The following TRPM3 variants were observed in gnomAD, a reference collection of about 807,000 sequenced individuals.
TRPM3 encodes long transient receptor potential channel 3.
Under a neutral mutation model 181.2 loss-of-function variants are expected in TRPM3, and 77 were observed. The ratio of observed to expected loss-of-function variants is 0.42; its 90% CI spans 0.35 to 0.51. TRPM3 has a LOEUF of 0.51. Ranked by LOEUF, TRPM3 falls within the 20% of genes least tolerant of loss-of-function variation. TRPM3 has a pLI of 0.01. For missense variants in TRPM3, 1,759 were observed against 2,196.7 expected (o/e 0.80, Z 3.98); for synonymous variants, 745 against 796.4 (o/e 0.94, Z 1.09).
chr9:70,980,067 G>GCGCACACACACACACA (rs142852346), intron 1 of TRPM3, among the ~76,000 whole-genome samples: 1 of 137,888 alleles, frequency 7.3e-6, no homozygotes, highest in Non-Finnish European at 1.5e-5. Flanking sequence ...GCATGTGCGT[G>GCGCACACACACACACA]CACACACACA....
At chr9:71,172,783 T>G (rs2076931769) in intron 1 of TRPM3, among the ~76,000 whole-genome samples, 1 of 152,106 alleles carries the variant, frequency 6.6e-6, no homozygotes, top group South Asian at 2.1e-4. Flanking sequence ...AACAGGTTCT[T>G]CCCATGGAAC....
At chr9:71,100,172 C>T (rs1048167860) in intron 1 of TRPM3, among the ~76,000 whole-genome samples, 1 of 151,976 alleles carries the variant, frequency 6.6e-6, no homozygotes, top group South Asian at 2.1e-4. Flanking sequence ...ATTTTAACTC[C>T]ATTGATTAAC....
intron 1 of TRPM3, among the ~76,000 whole-genome samples, chr9:71,222,764 G>A (rs760534164): frequency 6.6e-6 from 1 of 152,172 alleles, no homozygotes; most frequent in Non-Finnish European, 1.5e-5. Context: ...GGAAGGCAGA[G>A]CACAGTGATT....
intron 1 of TRPM3, among the ~76,000 whole-genome samples, chr9:70,955,236 A>C (rs2097055212): frequency 6.6e-6 from 1 of 152,206 alleles, no homozygotes; most frequent in Non-Finnish European, 1.5e-5. Flanking sequence ...CTCTGCCAAT[A>C]GCAGACAAAA....
intron 1 of TRPM3, among the ~76,000 whole-genome samples, chr9:71,229,289 T>C (rs1294413873): frequency 6.6e-6 from 1 of 152,194 alleles, no homozygotes. Context: ...ACTAGGCCCC[T>C]ATCTCTCACC....
intron 22 of TRPM3, among the ~76,000 whole-genome samples, chr9:70,587,945 T>C (rs1207456336): frequency 6.6e-6 from 1 of 152,238 alleles, no homozygotes; most frequent in Non-Finnish European, 1.5e-5. Context: ...GGACAGTCAC[T>C]GTCCCTTCCC....
intron 7 of TRPM3, among the ~76,000 whole-genome samples, chr9:70,765,871 C>T (rs1321313895): frequency 6.6e-6 from 1 of 151,992 alleles, no homozygotes; most frequent in Non-Finnish European, 1.5e-5. Context: ...TAGAGATGAG[C>T]CTATTTTAGA....
rs555501972 is a variant in TRPM3 at position 70,848,813 on chromosome 9, T to TAAAA, written c.463-2226_463-2223dup. Among the ~76,000 whole-genome samples, 530 of 76,748 alleles carry TAAAA rather than the reference T, an allele frequency of 6.9e-3. 27 individuals are homozygous for TAAAA. Among genetic ancestry groups the TAAAA allele is most frequent in the South Asian group, 0.02 (39 of 1,938 alleles). 50.3% of individuals were successfully genotyped at this position (76,748 alleles called of 152,430 possible). On this transcript the variant is annotated intron_variant, in intron 3 of 25. Transcript: ENST00000677713. ...TAACACGGTGAAACCCCGTCTCTAC[T>TAAAA]AAAAATACAAAAAATTAGCCGGGCG...
At chr9:70,955,970 C>G (rs960426904) in intron 1 of TRPM3, among the ~76,000 whole-genome samples, 7 of 152,158 alleles carry the variant, frequency 4.6e-5, no homozygotes, top group Non-Finnish European at 1.0e-4. Flanking sequence ...TCTCTGACAA[C>G]CTTTCAGTGG....
intron 1 of TRPM3, among the ~76,000 whole-genome samples, chr9:71,293,238 C>T (rs1025686212): frequency 1.3e-5 from 2 of 151,496 alleles, no homozygotes; most frequent in Non-Finnish European, 3.0e-5. Context: ...AAATGACACA[C>T]AGAAAATGCC....
rs150549631 is a variant in TRPM3, at chr9:70,907,133, A to G, written c.178-42622T>C. Among the ~76,000 whole-genome samples the G allele has an allele frequency of 1.6e-3, 247 of 152,330 alleles. 4 individuals are homozygous for G. The highest frequency in any genetic ancestry group is 9.1e-3 in the South Asian group (44 of 4,828). The stretch of plus-strand genomic sequence containing the variant: ...TTTATGTATGTTATCCACTGATTCT[A>G]TATGTTTAAATATGTCTACTTGCTA... On this transcript the variant is annotated intron_variant, in intron 1 of 25. Transcript: ENST00000677713.
chr9:71,446,912 C>G (rs2094211245), upstream of TRPM3: 2 of 1,370,716 alleles, frequency 1.5e-6, no homozygotes, highest in Non-Finnish European at 1.9e-6. Context: ...GGGTCTCCCT[C>G]CAGCCTGCGC....
At chr9:70,990,419 G>A (rs1027140464) in intron 1 of TRPM3, among the ~76,000 whole-genome samples, 9 of 152,056 alleles carry the variant, frequency 5.9e-5, no homozygotes, top group East Asian at 5.8e-4. Context: ...AATAAGTCAC[G>A]GTAAAACAAA....
chr9:70,763,291 C>T (rs911582264), intron 7 of TRPM3, among the ~76,000 whole-genome samples: 3 of 152,102 alleles, frequency 2.0e-5, no homozygotes, highest in Non-Finnish European at 4.4e-5. Flanking sequence ...AGGTGGATCA[C>T]CTGAGCCCAG....
chr9:71,005,134 C>T (rs1377500056), intron 1 of TRPM3, among the ~76,000 whole-genome samples: 3 of 152,160 alleles, frequency 2.0e-5, no homozygotes, highest in Admixed American at 6.5e-5. Flanking sequence ...AGTGGCCAGG[C>T]ACAGTGGCTC....
intron 1 of TRPM3, among the ~76,000 whole-genome samples, chr9:71,142,260 C>T (rs951603019): frequency 3.9e-5 from 6 of 152,074 alleles, no homozygotes; most frequent in African/African-American, 1.2e-4. Context: ...TCTCCAAAAC[C>T]GTTTTGCATG....
chr9:70,968,625 T>C (rs1258619293), intron 1 of TRPM3, among the ~76,000 whole-genome samples: 2 of 152,192 alleles, frequency 1.3e-5, no homozygotes, highest in Non-Finnish European at 2.9e-5. Flanking sequence ...GTGAAATTGT[T>C]GTACTGGCTT....
chr9:70,675,035 A>C (rs887334835), intron 9 of TRPM3, among the ~76,000 whole-genome samples: 1 of 152,026 alleles, frequency 6.6e-6, no homozygotes, highest in African/African-American at 2.4e-5. Context: ...ACTTTTCTAA[A>C]GTCATATAAA....
intron 22 of TRPM3, among the ~76,000 whole-genome samples, chr9:70,568,377 A>G (rs112072572): frequency 0.02 from 3,051 of 152,302 alleles, 112 homozygotes; most frequent in African/African-American, 0.069. Flanking sequence ...TTTCATATAC[A>G]ATATCTGATT....
Sources: gnomAD v4.1 joint callset for allele counts (sites outside exome capture counted in the v4.1 genomes callset) on GRCh38, gnomAD v4.1.1 for gene constraint, MANE v1.5 for transcripts, NCBI Gene and HGNC (gene_info 2026-07-23, HGNC 2026-07-21) for gene names.